Variants in KPNA7 observed in about 807,000 individuals in gnomAD.
KPNA7 encodes the protein karyopherin subunit alpha 7.
KPNA7 carries 54 observed loss-of-function variants against 53.7 expected under a neutral mutation model. That is an observed-to-expected ratio of 1.01 (90% CI 0.81 to 1.26). KPNA7 has a LOEUF of 1.26. KPNA7 is among the 50% of genes most tolerant of loss of function. The probability of loss-of-function intolerance (pLI) is 0.00; values close to 1 mark genes in which losing one functional copy is unlikely to be tolerated. For synonymous variants in KPNA7, 276 were observed against 259.3 expected (o/e 1.06, Z -0.62); for missense variants, 640 against 644.5 (o/e 0.99, Z 0.07).
At chr7:99,176,297 C>CAAAAAA (rs1491289534) in intron 10 of KPNA7, among the ~76,000 whole-genome samples, 2 of 57,110 alleles carry the variant, frequency 3.5e-5, no homozygotes, top group African/African-American at 1.1e-4. Context: ...GACTACGTCT[C>CAAAAAA]AAAAAAAAAA....
At chr7:99,186,085 G>T (rs1435405870) in intron 7 of KPNA7, among the ~76,000 whole-genome samples, 2 of 152,092 alleles carry the variant, frequency 1.3e-5, no homozygotes, top group African/African-American at 2.4e-5. Flanking sequence ...GAGCTACTGC[G>T]CCCAGTGACT....
At chr7:99,199,245 T>A (rs7806230) in intron 3 of KPNA7, among the ~76,000 whole-genome samples, 12,936 of 152,000 alleles carry the variant, frequency 0.085, 574 homozygotes, top group South Asian at 0.15. Flanking sequence ...AAATTGACAA[T>A]CTGATTTTAA....
the KPNA7 span, among the ~76,000 whole-genome samples, chr7:99,165,287 G>A: frequency 1.2e-4 from 17 of 141,074 alleles, no homozygotes; most frequent in Admixed American, 2.3e-4. Context: ...GCGACAGAGC[G>A]AGGCCTTGCC....
chr7:99,147,780 A>G, the KPNA7 span, among the ~76,000 whole-genome samples: 2 of 143,476 alleles, frequency 1.4e-5, no homozygotes, highest in Non-Finnish European at 3.0e-5. Context: ...GATAAGAGCA[A>G]GACTCTATCT....
At chr7:99,161,222 ACTCTCTCTCTCT>A in the KPNA7 span, among the ~76,000 whole-genome samples, 154 of 147,846 alleles carry the variant, frequency 1.0e-3, 1 homozygote, top group African/African-American at 2.7e-3. Flanking sequence ...ATGTACACAA[ACTCTCTCTCTCT>A]CTCTCTCTCT....
chr7:99,154,816 A>G, the KPNA7 span, among the ~76,000 whole-genome samples: 3 of 152,020 alleles, frequency 2.0e-5, no homozygotes, highest in Non-Finnish European at 4.4e-5. Context: ...TGAGTCTTGA[A>G]TCTATGTTCA....
At chr7:99,161,771 A>G in the KPNA7 span, among the ~76,000 whole-genome samples, 16 of 152,128 alleles carry the variant, frequency 1.1e-4, no homozygotes, top group Non-Finnish European at 2.9e-5. Flanking sequence ...TCTTTTACAG[A>G]TGAAAAAAAC....
At chr7:99,196,195 C>A (rs1205981313) in intron 3 of KPNA7, 29 bp from the exon 4 acceptor site, 27 of 1,502,266 alleles carry the variant, frequency 1.8e-5, no homozygotes, top group Non-Finnish European at 2.4e-5. Flanking sequence ...TCAGGTCAGA[C>A]TGTCTGCCAA....
At chr7:99,199,066 A>T (rs7786791) in intron 3 of KPNA7, among the ~76,000 whole-genome samples, 28 of 52,134 alleles carry the variant, frequency 5.4e-4, no homozygotes, top group South Asian at 5.6e-4. Context: ...CTGCAAACTG[A>T]AAAAAAAAAA....
At chr7:99,214,736 G>GAGGGGAGGT in intron 1 of KPNA7, among the ~76,000 whole-genome samples, 1 of 66,654 alleles carries the variant, frequency 1.5e-5, no homozygotes, top group Admixed American at 1.5e-4. Context: ...TAGGGGAGGG[G>GAGGGGAGGT]AGGGGAGGTA....
At chr7:99,178,878 G>A (rs1190723210) in intron 9 of KPNA7, among the ~76,000 whole-genome samples, 1 of 148,956 alleles carries the variant, frequency 6.7e-6, no homozygotes, top group Non-Finnish European at 1.5e-5. Context: ...CACCTCCCAG[G>A]TTCAAGAGAT....
intron 3 of KPNA7, among the ~76,000 whole-genome samples, chr7:99,201,436 G>A (rs1584308480): frequency 6.6e-6 from 1 of 152,114 alleles, no homozygotes; most frequent in Non-Finnish European, 1.5e-5. Context: ...GGCTGAGGCA[G>A]ACAGATCACA....
intron 7 of KPNA7, 105 bp downstream of exon 7, chr7:99,188,195 A>AAAAAAAAAG (rs779112006): frequency 2.7e-4 from 176 of 645,042 alleles, no homozygotes; most frequent in East Asian, 5.9e-4. Flanking sequence ...AAAAAAAAAA[A>AAAAAAAAAG]AAAGCAAAGA....
At position 99,187,790 on chromosome 7, in the gene KPNA7, C is replaced by CT. The variant is rs763348086; in HGVS notation, c.900+509dup. On this transcript the variant is annotated intron_variant, in intron 7 of 10. Coordinates refer to ENST00000327442, the MANE Select transcript of KPNA7 (RefSeq NM_001145715.3). Reference sequence around the variant, plus strand: ...ACAGCTGTGAGCCACCGTGCCCGGCCTTTTTTTTTAAAAAAAAAAAAAAAA... The same window carrying CT: ...ACAGCTGTGAGCCACCGTGCCCGGCCTTTTTTTTTTAAAAAAAAAAAAAAAA... 3.1e-3 allele frequency among the ~76,000 whole-genome samples: 14 copies of CT among 4,552 alleles called. 4 individuals are homozygous for CT. The highest frequency in any genetic ancestry group is 8.0e-3 in the Non-Finnish European group (11 of 1,374). The allele number at this position is 4,552 out of a possible 152,430, so 3.0% of individuals were successfully genotyped here.
intron 10 of KPNA7, among the ~76,000 whole-genome samples, chr7:99,174,545 C>T (rs1023594989): frequency 2.6e-5 from 4 of 152,114 alleles, no homozygotes; most frequent in Admixed American, 1.3e-4. Context: ...TCATTCCCTC[C>T]TCCACCCAGC....
rs779919735 is a variant in KPNA7 at position 99,185,070 on chromosome 7, G to C, written c.993C>G (p.Pro331=). Reference sequence around the variant, plus strand: ...AGGGCTTGTTGTGTTGCAGGAGCTGGGGGAGCACGTTCAGCATACCCGCAT... The same window carrying C: ...AGGGCTTGTTGTGTTGCAGGAGCTGCGGGAGCACGTTCAGCATACCCGCAT... ...AIDAGMLNVL[P]QLLQHNKPSI... Residue 331 remains proline (P), a synonymous_variant, in exon 8 of 11, where the codon CCC becomes CCG. Transcript: ENST00000327442. 48 of 1,551,760 alleles carry C rather than the reference G, an allele frequency of 3.1e-5. No homozygotes were observed. The highest frequency in any genetic ancestry group is 4.1e-5 in the Non-Finnish European group (47 of 1,147,050).
chr7:99,177,013 G>A (rs1344491993), intron 10 of KPNA7, among the ~76,000 whole-genome samples: 2 of 152,178 alleles, frequency 1.3e-5, no homozygotes, highest in Admixed American at 6.6e-5. Context: ...TATATATAAT[G>A]CAGCATATAC....
chr7:99,170,816 A>G (rs1479747202), downstream of KPNA7, among the ~76,000 whole-genome samples: 1 of 152,232 alleles, frequency 6.6e-6, no homozygotes, highest in East Asian at 1.9e-4. Flanking sequence ...ATTGGCAATC[A>G]GAGTAGAAGA....
chr7:99,213,320 G>C (rs1010575100), intron 1 of KPNA7, among the ~76,000 whole-genome samples: 9 of 151,334 alleles, frequency 5.9e-5, no homozygotes, highest in African/African-American at 1.9e-4. Context: ...AGTAGAGACG[G>C]GGTTTTGCCA....
Sources: allele counts gnomAD v4.1 joint callset (sites outside exome capture counted in the v4.1 genomes callset), GRCh38; gene constraint gnomAD v4.1.1; transcripts MANE v1.5; gene names NCBI Gene and HGNC (gene_info 2026-07-23, HGNC 2026-07-21).